The following DNTTIP2 variants were observed in gnomAD, a reference collection of about 807,000 sequenced individuals.
DNTTIP2 encodes deoxynucleotidyltransferase terminal-interacting protein 2.
DNTTIP2 carries 47 observed loss-of-function variants against 62.4 expected under a neutral mutation model. The observed-to-expected ratio is 0.75, with a 90% CI of 0.60 to 0.96. The LOEUF (loss-of-function observed/expected upper bound fraction) is 0.96. DNTTIP2 is among the 40% of genes least tolerant of loss of function. DNTTIP2 has a pLI of 0.00. For synonymous variants in DNTTIP2, 322 were observed against 300.9 expected (o/e 1.07, Z -0.73); for missense variants, 870 against 849.1 (o/e 1.02, Z -0.31).
rs939212006 is a variant in DNTTIP2, at chr1:93,875,685, T to C, written c.1766A>G (p.Lys589Arg). The C allele has an allele frequency of 6.2e-7, 1 of 1,613,408 alleles. No homozygotes were observed. The highest frequency in any genetic ancestry group is 1.7e-5 in the Admixed American group (1 of 59,960). ...CTCCTTGATCTGTGTTAGGGTTCTCTTGTTAGACTGTAGTTTATCTGCATT... is the reference window on the plus strand; with the variant it reads ...CTCCTTGATCTGTGTTAGGGTTCTCCTGTTAGACTGTAGTTTATCTGCATT... Reference protein sequence around the residue: ...NFNADKLQSNKRTLTQIKEKK... With the variant: ...NFNADKLQSNRRTLTQIKEKK... Residue 589 changes from lysine (K) to arginine (R), a missense_variant, in exon 3 of 7, where the codon AAG becomes AGG. Lys to Arg is a conservative substitution (Grantham distance 26, BLOSUM62 2). Transcript: ENST00000436063.
rs754894751 is a variant in DNTTIP2 at position 93,877,457 on chromosome 1, T to C, written c.478A>G (p.Thr160Ala). The change falls in exon 2 of 7, where the codon ACT becomes GCT. Residue 160 changes from threonine to alanine, a missense_variant. By Grantham distance (58) the Thr-to-Ala change is moderately conservative. Coordinates refer to ENST00000436063, the MANE Select transcript of DNTTIP2 (RefSeq NM_014597.5). ...GCCTTACTTCTTCTGGCTCCTGTAG[T>C]TTTTTCTGTAGGAAGCACAATTCTA... ...ISRIVLPTEK[T>A]TGARRSKAKS... 2.5e-6 allele frequency: 4 copies of C among 1,613,858 alleles called. No individual in the cohort carries two copies. The highest frequency in any genetic ancestry group is 1.7e-6 in the Non-Finnish European group (2 of 1,179,852).
At chr1:93,870,410 C>G (rs368022277) in intron 6 of DNTTIP2, among the ~76,000 whole-genome samples, 10 of 152,068 alleles carry the variant, frequency 6.6e-5, no homozygotes, top group Non-Finnish European at 1.2e-4. Flanking sequence ...AGGCATTAAT[C>G]GCTTTTTTCA....
Position 93,876,332 on chromosome 1 carries a change from G to A in DNTTIP2, c.1603C>T (p.His535Tyr), listed in dbSNP as rs950890339. Residue 535 changes from histidine (H) to tyrosine (Y), a missense_variant, in exon 2 of 7, where the codon CAT becomes TAT. His to Tyr is a moderately conservative substitution (Grantham distance 83). Coordinates refer to ENST00000436063, the MANE Select transcript of DNTTIP2 (RefSeq NM_014597.5). ...DEKSEEDSSDHDENEDEFSDE... is the reference protein window; with the variant it reads ...DEKSEEDSSDYDENEDEFSDE... ...CTAAACTCATCTTCATTTTCGTCAT[G>A]GTCTGATGAATCTTCTTCACTTTTT... 6.4e-7 allele frequency: 1 copy of A among 1,553,500 alleles called. No individual in the cohort carries two copies. Among genetic ancestry groups the A allele is most frequent in the African/African-American group, 1.4e-5 (1 of 72,960 alleles).
At position 93,876,837 on chromosome 1, in the gene DNTTIP2, T is replaced by C. The variant is rs368769806; in HGVS notation, c.1098A>G (p.Thr366=). ...ATCTGCCTACTTCCACAGTTGCAAA[T>C]GTTTGAGTTAATGATTTCATTACAG... ...SEAVMKSLTQ[T]FATVEVGRWN... is the part of the protein sequence containing the mutation. The change falls in exon 2 of 7, where the codon ACA becomes ACG. Residue 366 remains threonine (T), a synonymous_variant. Transcript: ENST00000436063. 1.3e-4 allele frequency: 210 copies of C among 1,613,996 alleles called. 10 individuals carry two copies. The East Asian group carries it at 1.5e-3, about 11-fold the overall frequency.
intron 2 of DNTTIP2, 98 bp downstream of exon 2, chr1:93,876,170 T>G: frequency 1.1e-6 from 1 of 885,668 alleles, no homozygotes; most frequent in Non-Finnish European, 1.4e-6. Flanking sequence ...AAGGCAGTGA[T>G]TTTCTCATTC....
At chr1:93,877,953 T>C (rs1361650473) in intron 1 of DNTTIP2, 91 bp from the exon 2 acceptor site, 1 of 1,436,662 alleles carries the variant, frequency 7.0e-7, no homozygotes, top group Admixed American at 2.8e-5. Context: ...TAAAACCCAG[T>C]AAACAAGATT....
At chr1:93,875,511 T>C in intron 3 of DNTTIP2, 134 bp downstream of exon 3, 2 of 823,196 alleles carry the variant, frequency 2.4e-6, no homozygotes, top group Non-Finnish European at 3.6e-6. Flanking sequence ...AAATGACTGT[T>C]TTAGAGAGAA....
chr1:93,873,955 G>A (rs998261177), intron 3 of DNTTIP2, among the ~76,000 whole-genome samples: 7 of 152,156 alleles, frequency 4.6e-5, no homozygotes, highest in Non-Finnish European at 1.0e-4. Context: ...CCTCAAAATA[G>A]TTTACAGGAA....
chr1:93,877,943 T>A, intron 1 of DNTTIP2, 81 bp from the exon 2 acceptor site: 1 of 1,452,826 alleles, frequency 6.9e-7, no homozygotes, highest in African/African-American at 1.4e-5. Flanking sequence ...CCCCAAAAGC[T>A]AAAACCCAGT....
intron 6 of DNTTIP2, 134 bp from the exon 7 acceptor site, chr1:93,870,078 A>G: frequency 1.8e-6 from 1 of 568,762 alleles, no homozygotes; most frequent in Non-Finnish European, 3.1e-6. Flanking sequence ...CTTGCTTGCA[A>G]TCTAGGGAGA....
rs771978243 is a variant in DNTTIP2, at chr1:93,879,143, C to A, written c.6G>T (p.Val2=). 4.3e-6 allele frequency: 7 copies of A among 1,612,772 alleles called. No homozygotes were observed. In the South Asian group the frequency reaches 4.4e-5, roughly 10 times the overall value. The change falls in exon 1 of 7, where the codon GTG becomes GTT. Residue 2 remains valine, a synonymous_variant. Coordinates refer to ENST00000436063, the MANE Select transcript of DNTTIP2 (RefSeq NM_014597.5). M[V]VTRSARAKAS... is the part of the protein sequence containing the mutation. Reference sequence around the variant, plus strand: ...CCTTAGCCCGTGCAGATCTGGTAACCACCATCTTTCCGGCTCCCTCGCGAC... The same window carrying A: ...CCTTAGCCCGTGCAGATCTGGTAACAACCATCTTTCCGGCTCCCTCGCGAC...
In DNTTIP2 at chr1:93,876,920, G is replaced by A. The variant is rs1656026376; in HGVS notation, c.1015C>T (p.His339Tyr). 2.5e-5 allele frequency: 40 copies of A among 1,613,672 alleles called. No homozygotes were observed. Among genetic ancestry groups the A allele is most frequent in the Non-Finnish European group, 3.1e-5 (37 of 1,179,870 alleles). The change falls in exon 2 of 7, where the codon CAT becomes TAT. Residue 339 changes from histidine to tyrosine, a missense_variant. Physicochemically the swap from His to Tyr is moderately conservative, Grantham distance 83. Transcript: ENST00000436063. ...TSLQQLVSQR[H>Y]STPQNKNAVS... is the part of the protein sequence containing the mutation. ...GCATTTTTATTTTGGGGGGTTGAAT[G>A]TCTCTGAGAAACTAACTGTTGAAGG...
intron 1 of DNTTIP2, 62 bp downstream of exon 1, chr1:93,879,014 GC>G: frequency 6.3e-7 from 1 of 1,593,244 alleles, no homozygotes. Flanking sequence ...CCCTTGCGCC[GC>G]CCCGCCTGCC....
At chr1:93,876,178 T>C (rs1293929253) in intron 2 of DNTTIP2, 90 bp downstream of exon 2, 4 of 999,000 alleles carry the variant, frequency 4.0e-6, no homozygotes, top group Non-Finnish European at 3.8e-6. Flanking sequence ...GATTTTCTCA[T>C]TCCCCAGGCT....
Position 93,876,633 on chromosome 1 carries a change from A to C in DNTTIP2, c.1302T>G (p.Ser434=). 1 of 1,614,012 alleles carries C rather than the reference A, an allele frequency of 6.2e-7. No homozygotes were observed. Among genetic ancestry groups the C allele is most frequent in the South Asian group, 1.1e-5 (1 of 91,082 alleles). The change falls in exon 2 of 7, where the codon TCT becomes TCG. Residue 434 remains serine, a synonymous_variant. Coordinates refer to ENST00000436063, the MANE Select transcript of DNTTIP2 (RefSeq NM_014597.5). The part of the protein sequence containing the change: ...TKLYTSAPNT[S]QGKDNSVLLV... ...GTAAGACAGAATTATCTTTACCCTG[A>C]GATGTGTTGGGCGCAGACGTGTATA...
At chr1:93,870,952 A>C in intron 5 of DNTTIP2, 160 bp from the exon 6 acceptor site, 1 of 423,376 alleles carries the variant, frequency 2.4e-6, no homozygotes, top group Non-Finnish European at 4.2e-6. Flanking sequence ...CAAAAAAAAA[A>C]AAGTAGCATA....
chr1:93,875,615 T>C, intron 3 of DNTTIP2, 30 bp downstream of exon 3: 2 of 1,596,824 alleles, frequency 1.3e-6, no homozygotes, highest in African/African-American at 2.7e-5. Flanking sequence ...TGGTTAGTTC[T>C]GTGAAAACCT....
At position 93,874,813 on chromosome 1, in the gene DNTTIP2, G is replaced by C. The variant is rs192555454; in HGVS notation, c.1806+832C>G. On this transcript the variant is annotated intron_variant, in intron 3 of 6. Transcript: ENST00000436063. Reference sequence around the variant, plus strand: ...CCAGCCGGATTTGTGTTTTTAGACAGAGAAATCTAGAAGTGTGGAGGATGG... The same window carrying C: ...CCAGCCGGATTTGTGTTTTTAGACACAGAAATCTAGAAGTGTGGAGGATGG... Among the ~76,000 whole-genome samples, 188 of 152,278 alleles carry C rather than the reference G, an allele frequency of 1.2e-3. 2 individuals are homozygous for C. The highest frequency in any genetic ancestry group is 4.4e-3 in the African/African-American group (184 of 41,550).
chr1:93,870,873 G>T (rs1451885037), intron 5 of DNTTIP2, 81 bp from the exon 6 acceptor site: 2 of 642,000 alleles, frequency 3.1e-6, no homozygotes, highest in Admixed American at 3.5e-5. Flanking sequence ...ATTATATTTA[G>T]AGAAAGGAAT....
Sources: allele counts gnomAD v4.1 joint callset (sites outside exome capture counted in the v4.1 genomes callset), GRCh38; gene constraint gnomAD v4.1.1; transcripts MANE v1.5; gene names NCBI Gene and HGNC (gene_info 2026-07-23, HGNC 2026-07-21).